The following ASIC2 variants were observed in gnomAD, a reference collection of about 807,000 sequenced individuals.
ASIC2 encodes acid-sensing ion channel 2.
In ASIC2, 25 loss-of-function variants were observed where a neutral mutation model predicts 57.3. That is an observed-to-expected ratio of 0.44 (90% CI 0.32 to 0.61). ASIC2 has a LOEUF of 0.61. ASIC2 is among the 20% of genes least tolerant of loss of function. The pLI, the probability that ASIC2 is intolerant of heterozygous loss-of-function variation, is 0.06. For synonymous variants in ASIC2, 319 were observed against 307.5 expected (o/e 1.04, Z -0.39); for missense variants, 641 against 738.1 (o/e 0.87, Z 1.52).
chr17:33,229,812 T>C (rs972510853), intron 1 of ASIC2, among the ~76,000 whole-genome samples: 7 of 152,236 alleles, frequency 4.6e-5, no homozygotes, highest in Admixed American at 1.3e-4. Context: ...TCAGATTAGA[T>C]GTTTCTCAGG....
chr17:33,421,118 G>C (rs999347886), intron 1 of ASIC2, among the ~76,000 whole-genome samples: 1 of 152,150 alleles, frequency 6.6e-6, no homozygotes, highest in African/African-American at 2.4e-5. Context: ...AGAGAGCAGG[G>C]TGGGGTCCTA....
At chr17:34,131,002 G>A (rs778731800) in intron 1 of ASIC2, among the ~76,000 whole-genome samples, 1 of 152,154 alleles carries the variant, frequency 6.6e-6, no homozygotes, top group Non-Finnish European at 1.5e-5. Context: ...CATTGGAGAT[G>A]GACATTAGCA....
intron 1 of ASIC2, among the ~76,000 whole-genome samples, chr17:33,174,869 T>G (rs1322150492): frequency 6.6e-6 from 1 of 151,978 alleles, no homozygotes; most frequent in Non-Finnish European, 1.5e-5. Context: ...GATTTGGAGG[T>G]TGTTTCTTCT....
At chr17:33,651,458 G>A (rs555322683) in intron 1 of ASIC2, among the ~76,000 whole-genome samples, 6 of 152,188 alleles carry the variant, frequency 3.9e-5, no homozygotes, top group African/African-American at 7.2e-5. Context: ...TAGAACTGTC[G>A]CCACTCGTCT....
At chr17:33,352,895 G>A (rs1165179857) in intron 1 of ASIC2, among the ~76,000 whole-genome samples, 1 of 151,946 alleles carries the variant, frequency 6.6e-6, no homozygotes, top group Non-Finnish European at 1.5e-5. Context: ...GGTCTGTTGG[G>A]TGAACCCTCC....
chr17:34,155,040 C>T (rs1904662850), intron 1 of ASIC2, among the ~76,000 whole-genome samples: 1 of 152,088 alleles, frequency 6.6e-6, no homozygotes, highest in African/African-American at 2.4e-5. Flanking sequence ...GAACGTAAGC[C>T]ACATCCCCCT....
intron 1 of ASIC2, among the ~76,000 whole-genome samples, chr17:33,214,941 T>C (rs1376783258): frequency 1.3e-5 from 2 of 151,876 alleles, no homozygotes; most frequent in African/African-American, 4.8e-5. Flanking sequence ...ACACCCAGAG[T>C]CACACAGCTG....
chr17:34,038,906 T>C, intron 1 of ASIC2: 1 of 1,612,868 alleles, frequency 6.2e-7, no homozygotes, highest in Non-Finnish European at 8.5e-7. Context: ...TTCCTGTTGC[T>C]TGATAAGATT....
chr17:33,973,753 T>C (rs1905288014), intron 1 of ASIC2, among the ~76,000 whole-genome samples: 1 of 151,926 alleles, frequency 6.6e-6, no homozygotes, highest in Admixed American at 6.6e-5. Flanking sequence ...TTAAAGCAAA[T>C]AGGATTTGGC....
chr17:33,028,482 G>T, intron 3 of ASIC2, 90 bp from the exon 4 acceptor site: 2 of 1,485,002 alleles, frequency 1.3e-6, no homozygotes, highest in Non-Finnish European at 1.9e-6. Flanking sequence ...CAATTATTGA[G>T]CATTTAAATA....
chr17:33,650,738 A>C (rs1597821735), intron 1 of ASIC2, among the ~76,000 whole-genome samples: 1 of 152,246 alleles, frequency 6.6e-6, no homozygotes. Flanking sequence ...AAAAGGTTAC[A>C]TGCTGTATGA....
At chr17:34,031,763 T>C (rs1388534796) in intron 1 of ASIC2, among the ~76,000 whole-genome samples, 3 of 151,940 alleles carry the variant, frequency 2.0e-5, no homozygotes, top group Non-Finnish European at 2.9e-5. Flanking sequence ...AGGGTATCAG[T>C]GATGGAAGAT....
At chr17:33,798,993 C>T (rs1016317988) in intron 1 of ASIC2, among the ~76,000 whole-genome samples, 1 of 152,194 alleles carries the variant, frequency 6.6e-6, no homozygotes, top group Admixed American at 6.5e-5. Flanking sequence ...ATCTCTGTGT[C>T]CCTGGAGCTG....
chr17:33,461,658 C>T (rs1205545780), intron 1 of ASIC2, among the ~76,000 whole-genome samples: 1 of 152,142 alleles, frequency 6.6e-6, no homozygotes, highest in Non-Finnish European at 1.5e-5. Flanking sequence ...TTTCCAAATG[C>T]TACCACTCTA....
At chr17:33,579,519 G>C (rs1482709755) in intron 1 of ASIC2, among the ~76,000 whole-genome samples, 2 of 152,084 alleles carry the variant, frequency 1.3e-5, no homozygotes, top group Non-Finnish European at 2.9e-5. Flanking sequence ...GTCTCCTCCT[G>C]GTGGGTTCTC....
intron 1 of ASIC2, among the ~76,000 whole-genome samples, chr17:33,132,124 AT>A (rs2092348568): frequency 6.6e-6 from 1 of 152,172 alleles, no homozygotes; most frequent in East Asian, 1.9e-4. Flanking sequence ...GCTTTCTGAA[AT>A]GCTCTGTGAC....
At chr17:33,342,307 A>AGT (rs899260813) in intron 1 of ASIC2, among the ~76,000 whole-genome samples, 3 of 147,372 alleles carry the variant, frequency 2.0e-5, no homozygotes, top group African/African-American at 7.8e-5. Context: ...TGGAGAGTCG[A>AGT]GTGTGTGTGT....
At chr17:33,360,199 A>T (rs1908544431) in intron 1 of ASIC2, among the ~76,000 whole-genome samples, 1 of 152,244 alleles carries the variant, frequency 6.6e-6, no homozygotes, top group South Asian at 2.1e-4. Context: ...TTTCATGGAT[A>T]AGGCTCATGC....
chr17:34,082,234 C>T (rs893625374), intron 1 of ASIC2: 1 of 152,246 alleles, frequency 6.6e-6, no homozygotes, highest in Admixed American at 6.5e-5. Context: ...TCCACTCTAC[C>T]TCCTGGAGAT....
Sources: allele counts gnomAD v4.1 joint callset (sites outside exome capture counted in the v4.1 genomes callset), GRCh38; gene constraint gnomAD v4.1.1; transcripts MANE v1.5; gene names NCBI Gene and HGNC (gene_info 2026-07-23, HGNC 2026-07-21).